Variants in GSG1L observed in about 807,000 individuals in gnomAD.
GSG1L encodes the protein GSG1 like, also known as germ cell-specific gene 1-like protein.
GSG1L carries 24 observed loss-of-function variants against 42.1 expected under a neutral mutation model. The ratio of observed to expected loss-of-function variants is 0.57; its 90% CI spans 0.41 to 0.80. The LOEUF is 0.80. Ranked by LOEUF, GSG1L falls within the 30% of genes least tolerant of loss-of-function variation. The pLI, the probability that GSG1L is intolerant of heterozygous loss-of-function variation, is 0.00. For missense variants in GSG1L, 445 were observed against 472.2 expected, an observed-to-expected ratio of 0.94 and a Z score of 0.53; for synonymous variants, 215 against 203.5, an observed-to-expected ratio of 1.06 and a Z score of -0.48.
chr16:27,876,965 G>A (rs768033599), intron 3 of GSG1L, among the ~76,000 whole-genome samples: 4 of 152,184 alleles, frequency 2.6e-5, no homozygotes, highest in African/African-American at 4.8e-5. Context: ...TGCCAGTGCT[G>A]TTTTTCCTGA....
At chr16:27,914,422 T>C (rs2141055739) in intron 2 of GSG1L, among the ~76,000 whole-genome samples, 1 of 152,262 alleles carries the variant, frequency 6.6e-6, no homozygotes, top group East Asian at 1.9e-4. Context: ...AATGGAAAAA[T>C]GGTTCTCTCT....
chr16:27,947,565 GAAA>G (rs1567530830), intron 2 of GSG1L, among the ~76,000 whole-genome samples: 2 of 86,678 alleles, frequency 2.3e-5, no homozygotes, highest in Non-Finnish European at 5.4e-5. Flanking sequence ...AAGAAAGAAA[GAAA>G]GAAAGAAAGA....
In GSG1L at chr16:27,884,937, G is replaced by A. The variant is rs1364035851; in HGVS notation, c.398-299C>T. On this transcript the variant is annotated intron_variant, in intron 2 of 6. Transcript: ENST00000447459. This position sits in a 1 kb window ranked among gnomAD's most constrained non-coding sequence, Gnocchi z 4.4. The stretch of plus-strand genomic sequence containing the variant: ...ATGGATTAGATGATCACCACTGAGA[G>A]CCAGCTTGCCGCCACCAGTTTAGGG... 1.3e-5 allele frequency among the ~76,000 whole-genome samples: 2 copies of A among 152,142 alleles called. No individual in the cohort carries two copies.
In GSG1L at chr16:27,864,700, A is replaced by G. The variant is rs141348929; in HGVS notation, c.551-19639T>C. Among the ~76,000 whole-genome samples, 792 of 152,308 alleles carry G rather than the reference A, an allele frequency of 5.2e-3. 10 individuals are homozygous for G. The highest frequency in any genetic ancestry group is 0.018 in the African/African-American group (753 of 41,568). On this transcript the variant is annotated intron_variant, in intron 3 of 6. Coordinates refer to ENST00000447459, the MANE Select transcript of GSG1L (RefSeq NM_001109763.2). Reference sequence around the variant, plus strand: ...CAACCAGAGCCCAGACATGAGACCCAGCAGGCTTTGATGCAGCAAAATGGA... The same window carrying G: ...CAACCAGAGCCCAGACATGAGACCCGGCAGGCTTTGATGCAGCAAAATGGA...
intron 5 of GSG1L, among the ~76,000 whole-genome samples, chr16:27,808,391 G>C (rs2082992698): frequency 6.6e-6 from 1 of 151,636 alleles, no homozygotes; most frequent in African/African-American, 2.4e-5. Context: ...TCAGCTCTGG[G>C]AAGCATTTCT....
intron 4 of GSG1L, among the ~76,000 whole-genome samples, chr16:27,841,831 G>A (rs954561855): frequency 1.3e-5 from 2 of 152,154 alleles, no homozygotes; most frequent in African/African-American, 2.4e-5. Flanking sequence ...TCCAGGGAAA[G>A]AATGTTCCCC....
intron 2 of GSG1L, among the ~76,000 whole-genome samples, chr16:27,911,866 T>G (rs2141053406): frequency 6.6e-6 from 1 of 152,298 alleles, no homozygotes. Context: ...AATAATACCA[T>G]GTGACTGACA....
At chr16:27,835,717 A>G (rs1567477467) in intron 4 of GSG1L, among the ~76,000 whole-genome samples, 1 of 152,116 alleles carries the variant, frequency 6.6e-6, no homozygotes. Flanking sequence ...TTATATATAC[A>G]TAACTAATCA....
chr16:27,874,691 T>C (rs1396718418), intron 3 of GSG1L, among the ~76,000 whole-genome samples: 2 of 152,144 alleles, frequency 1.3e-5, no homozygotes, highest in African/African-American at 2.4e-5. Flanking sequence ...AGAGACAGCA[T>C]GGGAGCTCTG....
chr16:27,984,604 A>C (rs540356228), intron 1 of GSG1L, among the ~76,000 whole-genome samples: 1 of 152,280 alleles, frequency 6.6e-6, no homozygotes, highest in East Asian at 1.9e-4. Context: ...TTAGAAGCTA[A>C]TATTCAGGTT....
intron 5 of GSG1L, among the ~76,000 whole-genome samples, chr16:27,827,856 T>TTCCA (rs72231743): frequency 0.013 from 1,644 of 128,264 alleles, 22 homozygotes; most frequent in African/African-American, 0.034. Context: ...CCACTCACCA[T>TTCCA]TCCATCCATC....
intron 1 of GSG1L, among the ~76,000 whole-genome samples, chr16:28,029,928 G>A (rs1173643316): frequency 6.6e-6 from 1 of 152,200 alleles, no homozygotes; most frequent in Admixed American, 6.5e-5. Flanking sequence ...CGCACATGTG[G>A]GCAGTGTGTA....
intron 2 of GSG1L, among the ~76,000 whole-genome samples, chr16:27,946,177 C>T (rs2084858161): frequency 6.6e-6 from 1 of 152,198 alleles, no homozygotes. Flanking sequence ...AGTGGCTCAA[C>T]TTCTCTGAGT....
rs768689001 is a variant in GSG1L at position 27,888,401 on chromosome 16, CTTCTTTCTTTCTTTCTTTCTTTCTTTCT to C, written c.398-3791_398-3764del. ...GGTTCTTTCTTTCTTTTCTTTTCTC[CTTCTTTCTTTCTTTCTTTCTTTCTTTCT>C]TTCTTTCTTTCTTTCTTTCTTTCTT... On this transcript the variant is annotated intron_variant, in intron 2 of 6. Transcript: ENST00000447459. Among the ~76,000 whole-genome samples, 74 of 122,566 alleles carry C rather than the reference CTTCTTTCTTTCTTTCTTTCTTTCTTTCT, an allele frequency of 6.0e-4. 1 individual carries two copies. Among genetic ancestry groups the C allele is most frequent in the Middle Eastern group, 4.0e-3 (1 of 252 alleles). 80.4% of individuals were successfully genotyped at this position (122,566 alleles called of 152,430 possible). A position where few individuals can be genotyped will look rare whatever the true frequency, so the allele number is the denominator to read the frequency against.
intron 1 of GSG1L, among the ~76,000 whole-genome samples, chr16:27,964,818 C>T (rs1193197817): frequency 6.6e-6 from 1 of 152,046 alleles, no homozygotes; most frequent in Non-Finnish European, 1.5e-5. Context: ...GGATGCTTAA[C>T]AGGTACAAAA....
At chr16:27,897,750 G>A (rs2084208392) in intron 2 of GSG1L, among the ~76,000 whole-genome samples, 1 of 152,160 alleles carries the variant, frequency 6.6e-6, no homozygotes, top group African/African-American at 2.4e-5. Context: ...GGTGAGCCTG[G>A]ACTTGAGGTC....
intron 1 of GSG1L, among the ~76,000 whole-genome samples, chr16:28,049,960 A>G (rs993900105): frequency 1.3e-5 from 2 of 152,182 alleles, no homozygotes; most frequent in Admixed American, 6.5e-5. Context: ...CTACGGTTTA[A>G]CTTACTCATT....
At chr16:28,054,244 G>C (rs1426451644) in intron 1 of GSG1L, among the ~76,000 whole-genome samples, 1 of 152,042 alleles carries the variant, frequency 6.6e-6, no homozygotes, top group African/African-American at 2.4e-5. Flanking sequence ...CAGAAGCACC[G>C]ACCCTCCTCT....
intron 5 of GSG1L, among the ~76,000 whole-genome samples, chr16:27,810,266 C>G (rs375941825): frequency 6.6e-6 from 1 of 152,064 alleles, no homozygotes; most frequent in Non-Finnish European, 1.5e-5. Flanking sequence ...ATTGCTTGAG[C>G]CCAGGAGTTC....
Sources: gnomAD v4.1 joint callset for allele counts (sites outside exome capture counted in the v4.1 genomes callset) on GRCh38, gnomAD v4.1.1 for gene constraint, Gnocchi (gnomAD v3.1) non-coding constraint, MANE v1.5 for transcripts, NCBI Gene and HGNC (gene_info 2026-07-23, HGNC 2026-07-21) for gene names.